Variants in SPMIP2 observed in about 807,000 individuals in gnomAD.
SPMIP2 encodes the protein protein SPMIP2.
chr4:159,016,571 C>T, the SPMIP2 span, among the ~76,000 whole-genome samples: 1 of 152,154 alleles, frequency 6.6e-6, no homozygotes, highest in South Asian at 2.1e-4. Context: ...ATTTTTCCTT[C>T]TCTCTTAGGG....
At chr4:159,036,968 T>A in the SPMIP2 span, among the ~76,000 whole-genome samples, 2 of 152,294 alleles carry the variant, frequency 1.3e-5, no homozygotes, top group East Asian at 3.9e-4. Context: ...ACTTTGAACA[T>A]TCCTAGAAGA....
the SPMIP2 span, chr4:158,915,435 T>C: frequency 7.9e-7 from 1 of 1,261,496 alleles, no homozygotes; most frequent in South Asian, 1.5e-5. Flanking sequence ...TAGTTGAGAT[T>C]TGTCTGTTTT....
chr4:159,001,714 T>C, the SPMIP2 span, among the ~76,000 whole-genome samples: 1 of 152,244 alleles, frequency 6.6e-6, no homozygotes, highest in African/African-American at 2.4e-5. Context: ...CCATGTCGTA[T>C]ATGTACCATG....
chr4:159,017,875 T>C, the SPMIP2 span, among the ~76,000 whole-genome samples: 2 of 152,136 alleles, frequency 1.3e-5, no homozygotes, highest in Admixed American at 6.5e-5. Context: ...TTATAAGATA[T>C]ACAGGGAGGC....
the SPMIP2 span, among the ~76,000 whole-genome samples, chr4:158,992,453 A>G: frequency 6.6e-6 from 1 of 152,206 alleles, no homozygotes; most frequent in African/African-American, 2.4e-5. Flanking sequence ...TGGGTCACTT[A>G]TATGCATCCT....
the SPMIP2 span, chr4:159,007,291 C>A: frequency 1.0e-6 from 1 of 997,210 alleles, no homozygotes. Context: ...GCTGACCTGA[C>A]TTCCCTCCGG....
the SPMIP2 span, among the ~76,000 whole-genome samples, chr4:159,000,484 T>G: frequency 8.3e-4 from 118 of 142,428 alleles, no homozygotes; most frequent in Middle Eastern, 3.5e-3. Context: ...TTGTCTGGCT[T>G]CTTCTTCTTC....
the SPMIP2 span, among the ~76,000 whole-genome samples, chr4:159,013,958 A>G: frequency 6.6e-6 from 1 of 152,094 alleles, no homozygotes; most frequent in African/African-American, 2.4e-5. Context: ...GAGAATGGAG[A>G]GTGAGTGTTT....
chr4:158,915,100 C>T, the SPMIP2 span: 1 of 1,340,394 alleles, frequency 7.5e-7, no homozygotes, highest in Non-Finnish European at 1.0e-6. Context: ...TATGAGAAAC[C>T]TGTCCCTGAT....
At chr4:158,978,057 C>T in the SPMIP2 span, among the ~76,000 whole-genome samples, 1 of 152,154 alleles carries the variant, frequency 6.6e-6, no homozygotes, top group East Asian at 1.9e-4. Context: ...TGGGCATTTA[C>T]TGCTATAAGT....
At chr4:158,917,998 C>T in the SPMIP2 span, among the ~76,000 whole-genome samples, 17 of 152,122 alleles carry the variant, frequency 1.1e-4, no homozygotes, top group Admixed American at 7.9e-4. Context: ...GGATTACAGG[C>T]GTGAACCATC....
the SPMIP2 span, among the ~76,000 whole-genome samples, chr4:159,024,314 T>G: frequency 6.6e-6 from 1 of 152,198 alleles, no homozygotes; most frequent in Non-Finnish European, 1.5e-5. Flanking sequence ...GGTGATATCT[T>G]TGGTCAAAGG....
chr4:158,912,719 T>C, the SPMIP2 span, among the ~76,000 whole-genome samples: 1 of 152,196 alleles, frequency 6.6e-6, no homozygotes, highest in Non-Finnish European at 1.5e-5. Context: ...TATTGAAGCA[T>C]CCACACAAAT....
the SPMIP2 span, among the ~76,000 whole-genome samples, chr4:158,984,939 G>T: frequency 6.6e-6 from 1 of 151,918 alleles, no homozygotes; most frequent in Non-Finnish European, 1.5e-5. Flanking sequence ...AATAAAAAAT[G>T]ATAAAGGGGA....
chr4:158,941,190 G>GT, the SPMIP2 span, among the ~76,000 whole-genome samples: 2 of 152,118 alleles, frequency 1.3e-5, no homozygotes, highest in Admixed American at 1.3e-4. Context: ...TTCAGGGTTT[G>GT]TTTTTCAGGT....
At chr4:158,994,392 T>G in the SPMIP2 span, among the ~76,000 whole-genome samples, 19 of 152,218 alleles carry the variant, frequency 1.2e-4, no homozygotes, top group Non-Finnish European at 2.5e-4. Context: ...CTTAAAACCC[T>G]CCTATTCTGG....
At chr4:159,042,397 G>A in the SPMIP2 span, among the ~76,000 whole-genome samples, 1 of 152,216 alleles carries the variant, frequency 6.6e-6, no homozygotes, top group East Asian at 1.9e-4. Context: ...CCAAAGTGAA[G>A]TTCTGCTAAT....
chr4:159,033,304 AG>A, the SPMIP2 span, among the ~76,000 whole-genome samples: 6 of 147,386 alleles, frequency 4.1e-5, no homozygotes, highest in East Asian at 2.0e-4. Flanking sequence ...GGAAAGGGGG[AG>A]GGGGGAATGA....
chr4:159,076,544 T>G, the SPMIP2 span, among the ~76,000 whole-genome samples: 1 of 152,108 alleles, frequency 6.6e-6, no homozygotes, highest in African/African-American at 2.4e-5. Flanking sequence ...CATTTACAGT[T>G]TGAATACATG....
Sources: gnomAD v4.1 joint callset for allele counts (sites outside exome capture counted in the v4.1 genomes callset) on GRCh38, gnomAD v4.1.1 for gene constraint, MANE v1.5 for transcripts, NCBI Gene and HGNC (gene_info 2026-07-23, HGNC 2026-07-21) for gene names.